The following KLF12 variants were observed in gnomAD, a reference collection of about 807,000 sequenced individuals.
KLF12 encodes the protein Krueppel-like factor 12.
A neutral mutation model predicts 37.8 loss-of-function variants in KLF12; 9 were observed. The observed-to-expected ratio is 0.24, with a 90% confidence interval of 0.14 to 0.42. The LOEUF (loss-of-function observed/expected upper bound fraction) is 0.42, where lower values mean the gene tolerates loss of function less well. KLF12 is among the 10% of genes least tolerant of loss of function. KLF12 has a pLI of 1.00. For missense variants in KLF12, 411 were observed against 516.0 expected (o/e 0.80, Z 1.97); for synonymous variants, 208 against 202.1 (o/e 1.03, Z -0.25).
chr13:73,870,518 A>G (rs1157917203), intron 3 of KLF12, among the ~76,000 whole-genome samples: 1 of 152,228 alleles, frequency 6.6e-6, no homozygotes. Context: ...AAAAGTACTT[A>G]AAGGTAACTG....
intron 1 of KLF12, among the ~76,000 whole-genome samples, chr13:74,078,167 G>T (rs1454910619): frequency 6.6e-6 from 1 of 152,186 alleles, no homozygotes; most frequent in Non-Finnish European, 1.5e-5. Context: ...TACAAGAGCA[G>T]ATTTACACAG....
At chr13:74,170,175 A>G in the KLF12 span, among the ~76,000 whole-genome samples, 3 of 142,646 alleles carry the variant, frequency 2.1e-5, no homozygotes, top group South Asian at 6.9e-4. Flanking sequence ...TGATCTGCGC[A>G]AGAAGAAGAA....
the KLF12 span, among the ~76,000 whole-genome samples, chr13:74,214,254 AC>A: frequency 7.2e-6 from 1 of 138,416 alleles, no homozygotes; most frequent in Admixed American, 7.2e-5. Context: ...TCCCCAGCCC[AC>A]CCCTAGCCCT....
intron 5 of KLF12, among the ~76,000 whole-genome samples, chr13:73,793,434 T>C (rs1185153170): frequency 6.6e-6 from 1 of 152,218 alleles, no homozygotes; most frequent in Non-Finnish European, 1.5e-5. Flanking sequence ...TAGACATCTA[T>C]AGGTACCATT....
intron 6 of KLF12, among the ~76,000 whole-genome samples, chr13:73,743,020 A>AT (rs1328748585): frequency 3.6e-4 from 33 of 92,552 alleles, no homozygotes; most frequent in African/African-American, 8.2e-4. Context: ...TCTCTTCGGG[A>AT]TTAAAAAAAA....
the KLF12 span, among the ~76,000 whole-genome samples, chr13:74,209,130 A>G: frequency 6.6e-6 from 1 of 152,118 alleles, no homozygotes; most frequent in Non-Finnish European, 1.5e-5. Context: ...AGACAAGCAT[A>G]TTAAAAACGT....
At position 73,788,417 on chromosome 13, in the gene KLF12, T is replaced by C. The variant is rs76688098; in HGVS notation, c.807-23417A>G. Reference sequence around the variant, plus strand: ...TTGTCATTCAGAAAATCAATGAAGATACAAAATGATGGCCTATAGAAAACA... The same window carrying C: ...TTGTCATTCAGAAAATCAATGAAGACACAAAATGATGGCCTATAGAAAACA... On this transcript the variant is annotated intron_variant, in intron 5 of 7. Transcript: ENST00000377669. Among the ~76,000 whole-genome samples the C allele has an allele frequency of 2.1e-4, 32 of 152,316 alleles. 1 individual carries two copies. The East Asian group carries it at 6.2e-3, about 29-fold the overall frequency.
intron 1 of KLF12, among the ~76,000 whole-genome samples, chr13:74,047,540 T>C (rs922961622): frequency 1.3e-5 from 2 of 150,712 alleles, no homozygotes; most frequent in African/African-American, 4.9e-5. Context: ...GAGCTTGCAG[T>C]GAGCCGAGAT....
chr13:73,771,905 C>G (rs1182194487), intron 5 of KLF12, among the ~76,000 whole-genome samples: 1 of 152,192 alleles, frequency 6.6e-6, no homozygotes, highest in East Asian at 1.9e-4. Flanking sequence ...GGTAGGAAAG[C>G]ACTCCAAGAA....
chr13:73,908,482 T>A (rs1197090598), intron 3 of KLF12, among the ~76,000 whole-genome samples: 12 of 150,166 alleles, frequency 8.0e-5, no homozygotes. Flanking sequence ...TTTTCTTTTT[T>A]TCTTTTGTTT....
intron 4 of KLF12, among the ~76,000 whole-genome samples, chr13:73,822,001 G>C (rs7991518): frequency 1 from 151,999 of 152,334 alleles, 75,832 homozygotes; most frequent in Non-Finnish European, 1. Flanking sequence ...CTCCAATTAT[G>C]CTGTTTACTC....
the KLF12 span, among the ~76,000 whole-genome samples, chr13:74,242,855 T>G: frequency 6.6e-6 from 1 of 152,160 alleles, no homozygotes; most frequent in South Asian, 2.1e-4. Flanking sequence ...CACGTGTACA[T>G]AGAATTTCTG....
At chr13:73,913,440 C>T (rs1289723496) in intron 3 of KLF12, among the ~76,000 whole-genome samples, 1 of 152,182 alleles carries the variant, frequency 6.6e-6, no homozygotes, top group Non-Finnish European at 1.5e-5. Flanking sequence ...AATCACAGTG[C>T]ACATTTCATT....
intron 1 of KLF12, among the ~76,000 whole-genome samples, chr13:74,075,874 C>T (rs1475774112): frequency 6.6e-6 from 1 of 152,084 alleles, no homozygotes; most frequent in East Asian, 1.9e-4. Flanking sequence ...CTCTAAATGG[C>T]TGAGAAATAA....
chr13:73,959,610 G>T (rs1318098431), intron 2 of KLF12, among the ~76,000 whole-genome samples: 1 of 151,676 alleles, frequency 6.6e-6, no homozygotes, highest in Non-Finnish European at 1.5e-5. Context: ...ATAATTAGAT[G>T]TGTTTAAATA....
intron 1 of KLF12, among the ~76,000 whole-genome samples, chr13:74,098,263 T>C (rs1343965460): frequency 6.6e-6 from 1 of 152,200 alleles, no homozygotes; most frequent in South Asian, 2.1e-4. Flanking sequence ...TGCACTTTTA[T>C]TAAGTGCTAA....
At chr13:74,126,681 G>C (rs1321608361) in intron 1 of KLF12, among the ~76,000 whole-genome samples, 5 of 152,110 alleles carry the variant, frequency 3.3e-5, no homozygotes, top group Non-Finnish European at 1.5e-5. Context: ...TTTGCCAAAA[G>C]TGGCAAAGTC....
At chr13:73,699,191 C>T (rs935575075) in intron 7 of KLF12, among the ~76,000 whole-genome samples, 1 of 130,924 alleles carries the variant, frequency 7.6e-6, no homozygotes, top group African/African-American at 2.8e-5. Flanking sequence ...TGAGCCCCCC[C>T]ACCCCCCCAC....
intron 3 of KLF12, among the ~76,000 whole-genome samples, chr13:73,847,799 A>G (rs1885106902): frequency 6.6e-6 from 1 of 152,184 alleles, no homozygotes; most frequent in Non-Finnish European, 1.5e-5. Context: ...TAAATTTTTA[A>G]TCTTTTCAAA....
Sources: gnomAD v4.1 joint callset for allele counts (sites outside exome capture counted in the v4.1 genomes callset) on GRCh38, gnomAD v4.1.1 for gene constraint, MANE v1.5 for transcripts, NCBI Gene and HGNC (gene_info 2026-07-23, HGNC 2026-07-21) for gene names.